The following NRXN3 variants were observed in gnomAD, a reference collection of about 807,000 sequenced individuals.
NRXN3 encodes the protein neurexin III.
In NRXN3, 32 loss-of-function variants were observed where a neutral mutation model predicts 137.6. The observed-to-expected ratio is 0.23, with a 90% CI of 0.18 to 0.31. The LOEUF (loss-of-function observed/expected upper bound fraction) is 0.31, where lower values mean the gene tolerates loss of function less well. Among genes scored for constraint, NRXN3 ranks in the 10% least tolerant of loss-of-function variants. The pLI, the probability that NRXN3 is intolerant of heterozygous loss-of-function variation, is 1.00. For missense variants in NRXN3, 1,574 were observed against 2,062.5 expected, an observed-to-expected ratio of 0.76 and a Z score of 4.59; for synonymous variants, 798 against 784.5, an observed-to-expected ratio of 1.02 and a Z score of -0.29.
chr14:79,803,963 A>ATATG (rs913446843), intron 19 of NRXN3, among the ~76,000 whole-genome samples: 1 of 146,132 alleles, frequency 6.8e-6, no homozygotes, highest in African/African-American at 2.5e-5. Flanking sequence ...ATATACATAT[A>ATATG]TATGTATGTA....
rs1322435382 is a variant in NRXN3, at chr14:79,257,576, G to A, written c.3263-209645G>A. 1.7e-4 allele frequency among the ~76,000 whole-genome samples: 22 copies of A among 130,754 alleles called. No homozygotes were observed. The East Asian group carries it at 4.5e-3, about 27-fold the overall frequency. 85.8% of individuals were successfully genotyped at this position (130,754 alleles called of 152,430 possible). ...TGGTGGTGATGGTGGTGGTGGTGGT[G>A]GTGATGGTAATGATGGTGGTGGTGG... On this transcript the variant is annotated intron_variant, in intron 15 of 20. Transcript: ENST00000335750.
At chr14:78,867,937 T>C (rs1288892199) in intron 10 of NRXN3, among the ~76,000 whole-genome samples, 2 of 149,644 alleles carry the variant, frequency 1.3e-5, no homozygotes, top group Non-Finnish European at 3.0e-5. Context: ...TTTTACTTAA[T>C]ATAAATTTAT....
At chr14:79,008,556 C>G (rs963761200) in intron 15 of NRXN3, among the ~76,000 whole-genome samples, 2 of 143,202 alleles carry the variant, frequency 1.4e-5, no homozygotes, top group African/African-American at 5.1e-5. Flanking sequence ...TCCTCCTACT[C>G]TCTCCCTGCA....
At chr14:78,900,962 C>G (rs542082326) in intron 10 of NRXN3, among the ~76,000 whole-genome samples, 119 of 152,190 alleles carry the variant, frequency 7.8e-4, no homozygotes, top group Admixed American at 1.8e-3. Flanking sequence ...CCCAACATCA[C>G]TAGGGCATGT....
chr14:79,502,667 G>C (rs2096837431), intron 16 of NRXN3, among the ~76,000 whole-genome samples: 1 of 152,008 alleles, frequency 6.6e-6, no homozygotes, highest in South Asian at 2.1e-4. Context: ...GAAAAGACCT[G>C]AGCCTGTGTC....
rs369429039 is a variant in NRXN3, at chr14:79,110,762, TTTTATTTA to T, written c.3262+122649_3262+122656del. Among the ~76,000 whole-genome samples, 298 of 139,142 alleles carry T rather than the reference TTTTATTTA, an allele frequency of 2.1e-3. 6 individuals carry two copies. Among genetic ancestry groups the T allele is most frequent in the East Asian group, 1.5e-3 (7 of 4,648 alleles). 91.3% of individuals were successfully genotyped at this position (139,142 alleles called of 152,430 possible). ...GTCTTCTTTCAATGAGAAATTATTA[TTTTATTTA>T]TTTATTTATTTATTTATTTATTTAT... On this transcript the variant is annotated intron_variant, in intron 15 of 20. Coordinates refer to ENST00000335750, the MANE Select transcript of NRXN3 (RefSeq NM_001330195.2).
intron 4 of NRXN3, among the ~76,000 whole-genome samples, chr14:78,518,063 C>T (rs1160011547): frequency 6.6e-6 from 1 of 152,048 alleles, no homozygotes; most frequent in East Asian, 1.9e-4. Flanking sequence ...TTGTTAGAAC[C>T]TAGATAACAT....
At chr14:79,624,659 C>T (rs961310368) in intron 16 of NRXN3, among the ~76,000 whole-genome samples, 1 of 152,026 alleles carries the variant, frequency 6.6e-6, no homozygotes, top group Non-Finnish European at 1.5e-5. Flanking sequence ...TACCCTTTAA[C>T]CTATATCTCC....
At chr14:79,666,724 C>T (rs1236658951) in intron 17 of NRXN3, among the ~76,000 whole-genome samples, 1 of 151,958 alleles carries the variant, frequency 6.6e-6, no homozygotes, top group Non-Finnish European at 1.5e-5. Context: ...AAAGAAGTGT[C>T]ATATCTCAAA....
intron 10 of NRXN3, among the ~76,000 whole-genome samples, chr14:78,951,589 T>C (rs1287632021): frequency 6.6e-6 from 1 of 152,126 alleles, no homozygotes; most frequent in Admixed American, 6.6e-5. Context: ...TTGACAGAAC[T>C]CAACCCTATC....
intron 4 of NRXN3, among the ~76,000 whole-genome samples, chr14:78,457,939 A>C (rs533786376): frequency 6.6e-6 from 1 of 152,132 alleles, no homozygotes; most frequent in African/African-American, 2.4e-5. Flanking sequence ...CATATAGTGG[A>C]GCCTGTTAAG....
intron 15 of NRXN3, among the ~76,000 whole-genome samples, chr14:79,034,388 G>A (rs11849134): frequency 0.38 from 56,772 of 148,732 alleles, 11,361 homozygotes; most frequent in Admixed American, 0.49. Context: ...AGGTTTTTTG[G>A]AAAAAAAACA....
At chr14:79,467,108 C>T in intron 15 of NRXN3, 113 bp from the exon 16 acceptor site, 1 of 1,037,890 alleles carries the variant, frequency 9.6e-7, no homozygotes, top group Non-Finnish European at 1.4e-6. Context: ...AATACTGTCC[C>T]ATGGGGGACA....
intron 10 of NRXN3, among the ~76,000 whole-genome samples, chr14:78,874,466 T>C (rs1185792953): frequency 6.6e-6 from 1 of 152,186 alleles, no homozygotes; most frequent in Non-Finnish European, 1.5e-5. Flanking sequence ...TCAACCCTTT[T>C]CATCATGATG....
intron 1 of NRXN3, among the ~76,000 whole-genome samples, chr14:78,221,014 A>G (rs1470927907): frequency 6.6e-6 from 1 of 152,150 alleles, no homozygotes. Context: ...TGACAGAACC[A>G]TATTGTAGTT....
At chr14:79,809,401 A>T (rs1268675167) in intron 20 of NRXN3, among the ~76,000 whole-genome samples, 1 of 152,176 alleles carries the variant, frequency 6.6e-6, no homozygotes, top group Non-Finnish European at 1.5e-5. Flanking sequence ...AGTCTCCCAA[A>T]GTGCTGGGAT....
intron 15 of NRXN3, among the ~76,000 whole-genome samples, chr14:79,082,505 G>T (rs940710867): frequency 6.6e-6 from 1 of 151,920 alleles, no homozygotes; most frequent in Non-Finnish European, 1.5e-5. Flanking sequence ...AACGTTGTGA[G>T]TTTGCAATAA....
chr14:78,583,693 C>T (rs1192203815), intron 4 of NRXN3, among the ~76,000 whole-genome samples: 1 of 152,168 alleles, frequency 6.6e-6, no homozygotes, highest in Non-Finnish European at 1.5e-5. Context: ...AGTAGAGTGT[C>T]TTGGAAAGCT....
chr14:78,853,919 T>C (rs1232860181), intron 10 of NRXN3, among the ~76,000 whole-genome samples: 1 of 152,204 alleles, frequency 6.6e-6, no homozygotes, highest in Non-Finnish European at 1.5e-5. Flanking sequence ...TGCATTTGTA[T>C]TCTTAAAGCA....
Sources: gnomAD v4.1 joint callset for allele counts (sites outside exome capture counted in the v4.1 genomes callset) on GRCh38, gnomAD v4.1.1 for gene constraint, MANE v1.5 for transcripts, NCBI Gene and HGNC (gene_info 2026-07-23, HGNC 2026-07-21) for gene names.